MAMDC2: variants seen among roughly 807,000 people sequenced by gnomAD.
MAMDC2 encodes MAM domain containing 2.
A neutral mutation model predicts 89.8 loss-of-function variants in MAMDC2; 57 were observed. The ratio of observed to expected loss-of-function variants is 0.63; its 90% confidence interval spans 0.51 to 0.79. MAMDC2 has a LOEUF of 0.79. Ranked by LOEUF, MAMDC2 falls within the 30% of genes least tolerant of loss-of-function variation. MAMDC2 has a pLI of 0.00. For synonymous variants in MAMDC2, 313 were observed against 293.4 expected, an observed-to-expected ratio of 1.07 and a Z score of -0.68; for missense variants, 800 against 820.6, an observed-to-expected ratio of 0.97 and a Z score of 0.31.
At chr9:70,165,087 A>G (rs960889154) in intron 9 of MAMDC2, among the ~76,000 whole-genome samples, 3 of 152,090 alleles carry the variant, frequency 2.0e-5, no homozygotes, top group African/African-American at 7.2e-5. Context: ...AATGAAATAA[A>G]CACTGCTTTT....
intron 2 of MAMDC2, among the ~76,000 whole-genome samples, chr9:70,061,466 C>G (rs1827149520): frequency 2.6e-5 from 4 of 152,142 alleles, no homozygotes; most frequent in Non-Finnish European, 5.9e-5. Context: ...ACATATCTTT[C>G]CCCTCCTATT....
chr9:70,116,975 C>T (rs1353967015), intron 5 of MAMDC2, among the ~76,000 whole-genome samples: 1 of 152,114 alleles, frequency 6.6e-6, no homozygotes, highest in East Asian at 1.9e-4. Context: ...GCTTTTCCTA[C>T]TAGCATTGCT....
chr9:70,052,874 A>G (rs1457834056), intron 2 of MAMDC2, among the ~76,000 whole-genome samples: 1 of 152,232 alleles, frequency 6.6e-6, no homozygotes, highest in East Asian at 1.9e-4. Flanking sequence ...AGCTTGTCTC[A>G]CCAGTACATG....
intron 11 of MAMDC2, among the ~76,000 whole-genome samples, chr9:70,214,019 A>G (rs762743337): frequency 4.6e-5 from 7 of 152,226 alleles, no homozygotes; most frequent in Non-Finnish European, 7.3e-5. Context: ...TTCAACAGAT[A>G]TTAATGAGCA....
At chr9:70,061,620 G>A (rs1827153146) in intron 2 of MAMDC2, among the ~76,000 whole-genome samples, 1 of 152,106 alleles carries the variant, frequency 6.6e-6, no homozygotes, top group African/African-American at 2.4e-5. Flanking sequence ...ATTTAAGATG[G>A]TGCCAAAAAT....
intron 2 of MAMDC2, among the ~76,000 whole-genome samples, chr9:70,050,026 T>C (rs529794677): frequency 6.6e-6 from 1 of 152,188 alleles, no homozygotes; most frequent in Non-Finnish European, 1.5e-5. Context: ...CACTCTGGGT[T>C]CTAAACTCTG....
intron 5 of MAMDC2, 102 bp from the exon 6 acceptor site, chr9:70,126,057 C>T (rs1357171450): frequency 8.5e-6 from 11 of 1,292,696 alleles, no homozygotes; most frequent in Admixed American, 8.4e-5. Context: ...TCACCATTCC[C>T]ACTGGATTAT....
rs776057039 is a variant in MAMDC2 at position 70,044,667 on chromosome 9, G to A, written c.118G>A (p.Ala40Thr). The part of the protein sequence containing the change: ...ESTCGFDSVL[A>T]SLPWILNEEG... ...CACTTGCGGCTTTGACTCCGTGTTG[G>A]CCTCTCTGCCGTGGATTTTAAATGA... The change falls in exon 2 of 14, where the codon GCC (alanine) becomes ACC (threonine). Residue 40 changes from alanine to threonine, a missense_variant. Transcript: ENST00000377182. 14 of 1,551,718 alleles carry A rather than the reference G, an allele frequency of 9.0e-6. No individual in the cohort carries two copies. The East Asian group carries it at 3.4e-4, about 38-fold the overall frequency.
At chr9:70,109,934 T>A in intron 4 of MAMDC2, 130 bp downstream of exon 4, 1 of 730,898 alleles carries the variant, frequency 1.4e-6, no homozygotes, top group East Asian at 2.6e-5. Context: ...CATACTGGTT[T>A]AAATTCTTTG....
chr9:70,168,647 G>C, intron 9 of MAMDC2, 55 bp from the exon 10 acceptor site: 1 of 1,442,454 alleles, frequency 6.9e-7, no homozygotes, highest in Non-Finnish European at 9.7e-7. Flanking sequence ...CAGGTTGTTA[G>C]GAGTTTCCAG....
intron 7 of MAMDC2, among the ~76,000 whole-genome samples, chr9:70,134,713 T>A (rs1013555866): frequency 7.2e-5 from 11 of 152,166 alleles, no homozygotes; most frequent in African/African-American, 4.8e-5. Context: ...AGGCTACAGC[T>A]AAGGTTGCCC....
intron 2 of MAMDC2, among the ~76,000 whole-genome samples, chr9:70,075,837 G>C (rs2118105640): frequency 6.6e-6 from 1 of 152,370 alleles, no homozygotes; most frequent in Non-Finnish European, 1.5e-5. Context: ...GCCCATCCAT[G>C]TAGTGGCACA....
chr9:70,069,855 C>T (rs1827362976), intron 2 of MAMDC2, among the ~76,000 whole-genome samples: 1 of 152,156 alleles, frequency 6.6e-6, no homozygotes, highest in African/African-American at 2.4e-5. Flanking sequence ...TTTCCTAGGA[C>T]ATCGTTTTCA....
chr9:70,155,665 A>T (rs2118468089), intron 9 of MAMDC2, among the ~76,000 whole-genome samples: 1 of 152,184 alleles, frequency 6.6e-6, no homozygotes, highest in African/African-American at 2.4e-5. Flanking sequence ...TCAGCCTCCA[A>T]ACTTCTGGAA....
chr9:70,171,844 C>T (rs1443301580), intron 11 of MAMDC2, among the ~76,000 whole-genome samples: 1 of 151,666 alleles, frequency 6.6e-6, no homozygotes, highest in Non-Finnish European at 1.5e-5. Context: ...AAAAAAATTG[C>T]AAAAAAAATT....
intron 11 of MAMDC2, among the ~76,000 whole-genome samples, chr9:70,200,107 T>C (rs1307188119): frequency 1.3e-5 from 2 of 152,030 alleles, no homozygotes; most frequent in Non-Finnish European, 2.9e-5. Context: ...TTTGGTGTTT[T>C]GGACATGAAG....
intron 9 of MAMDC2, among the ~76,000 whole-genome samples, chr9:70,163,644 C>A (rs915284653): frequency 1.3e-5 from 2 of 152,122 alleles, no homozygotes; most frequent in South Asian, 2.1e-4. Context: ...AGGTTGAAAT[C>A]GACTGTGAAT....
chr9:70,106,701 G>C (rs1382225687), intron 2 of MAMDC2, among the ~76,000 whole-genome samples: 1 of 152,184 alleles, frequency 6.6e-6, no homozygotes, highest in African/African-American at 2.4e-5. Flanking sequence ...TCTCCACAAG[G>C]GTGCCTGGGT....
chr9:70,180,727 T>C (rs2032628795), intron 11 of MAMDC2, among the ~76,000 whole-genome samples: 1 of 152,230 alleles, frequency 6.6e-6, no homozygotes, highest in Non-Finnish European at 1.5e-5. Flanking sequence ...TTCTTGTAAA[T>C]TTGTTTAAGT....
Sources: gnomAD v4.1 joint callset for allele counts (sites outside exome capture counted in the v4.1 genomes callset) on GRCh38, gnomAD v4.1.1 for gene constraint, MANE v1.5 for transcripts, NCBI Gene and HGNC (gene_info 2026-07-23, HGNC 2026-07-21) for gene names.